The following CDC42BPA variants were observed in gnomAD, a reference collection of about 807,000 sequenced individuals.
CDC42BPA encodes serine/threonine-protein kinase MRCK alpha.
CDC42BPA carries 80 observed loss-of-function variants against 223.5 expected under a neutral mutation model. That is an observed-to-expected ratio of 0.36 (90% CI 0.30 to 0.43). The LOEUF is 0.43. CDC42BPA is among the 20% of genes least tolerant of loss of function. The pLI, the probability that CDC42BPA is intolerant of heterozygous loss-of-function variation, is 1.00. For synonymous variants in CDC42BPA, 694 were observed against 718.6 expected (o/e 0.97, Z 0.55); for missense variants, 1,743 against 2,099.9 (o/e 0.83, Z 3.32).
At chr1:227,040,260 AC>A (rs980525075) in intron 23 of CDC42BPA, 24 bp from the exon 24 acceptor site, 2 of 1,415,694 alleles carry the variant, frequency 1.4e-6, no homozygotes, top group African/African-American at 1.4e-5. Context: ...TGATAAAAAA[AC>A]ACACAGATTG....
chr1:227,265,202 A>G lies in CDC42BPA; in HGVS notation c.179-11047T>C, dbSNP rs987795801. ...GCAGCACAAACACCAAAGCGTGCTA[A>G]AAGTGCACACTTTGGCATCTAACAA... On this transcript the variant is annotated intron_variant, in intron 1 of 36. Transcript: ENST00000366766. 10 of 616,674 alleles carry G rather than the reference A, an allele frequency of 1.6e-5. No individual in the cohort carries two copies. The African/African-American group carries it at 1.8e-4, about 11-fold the overall frequency. 38.2% of individuals were successfully genotyped at this position (616,674 alleles called of 1,614,324 possible).
At chr1:227,133,115 G>A (rs1449294041) in intron 10 of CDC42BPA, among the ~76,000 whole-genome samples, 21 of 148,376 alleles carry the variant, frequency 1.4e-4, no homozygotes, top group Admixed American at 1.3e-3. Flanking sequence ...CCGGCCAGCC[G>A]CCCTGTCCGG....
At chr1:227,316,915 C>G (rs1393037911) in intron 1 of CDC42BPA, 90 bp downstream of exon 1, 11 of 906,906 alleles carry the variant, frequency 1.2e-5, no homozygotes, top group African/African-American at 3.4e-5. Flanking sequence ...TTTCTTTGAA[C>G]GGAGTAGAGT....
chr1:227,211,447 C>T (rs935738228), intron 3 of CDC42BPA, among the ~76,000 whole-genome samples: 3 of 152,118 alleles, frequency 2.0e-5, no homozygotes, highest in East Asian at 3.9e-4. Context: ...GATACCTGTA[C>T]TTATATGTTT....
chr1:227,196,338 C>CTTTTTTTTTTTTTTTTT (rs34352900), intron 4 of CDC42BPA, among the ~76,000 whole-genome samples: 3 of 92,352 alleles, frequency 3.2e-5, no homozygotes, highest in African/African-American at 9.4e-5. Flanking sequence ...TTAAACAATA[C>CTTTTTTTTTTTTTTTTT]TTTTTTTTTT....
At chr1:227,170,191 T>TTAGCAA (rs1667826403) in intron 5 of CDC42BPA, among the ~76,000 whole-genome samples, 1 of 152,130 alleles carries the variant, frequency 6.6e-6, no homozygotes, top group African/African-American at 2.4e-5. Flanking sequence ...AATTCTGCTT[T>TTAGCAA]GTTCTCTAGA....
At chr1:227,155,392 T>G (rs894793644) in intron 6 of CDC42BPA, among the ~76,000 whole-genome samples, 3 of 152,152 alleles carry the variant, frequency 2.0e-5, no homozygotes, top group Admixed American at 2.0e-4. Flanking sequence ...CATGGAAGAT[T>G]ATGAAATATT....
Position 227,187,689 on chromosome 1 carries a change from CA to C in CDC42BPA, c.599+6096del, listed in dbSNP as rs57854182. ...TAAATGGCACCCCCCACCCCCCCCC[CA>C]AAAAAAAAAAACTATACCTAGGCAC... On this transcript the variant is annotated intron_variant, in intron 5 of 36. Transcript: ENST00000366766. Among the ~76,000 whole-genome samples, 18 of 56,196 alleles carry C rather than the reference CA, an allele frequency of 3.2e-4. 1 individual carries two copies. The highest frequency in any genetic ancestry group is 9.3e-4 in the African/African-American group (13 of 13,948). The allele number at this position is 56,196 out of a possible 152,430, so 36.9% of individuals were successfully genotyped here. A position where few individuals can be genotyped will look rare whatever the true frequency, so the allele number is the denominator to read the frequency against.
At chr1:227,270,996 G>C (rs532771529) in intron 1 of CDC42BPA, among the ~76,000 whole-genome samples, 1 of 152,060 alleles carries the variant, frequency 6.6e-6, no homozygotes, top group Non-Finnish European at 1.5e-5. Context: ...GACTTGGGGT[G>C]TTTACATTTT....
intron 20 of CDC42BPA, among the ~76,000 whole-genome samples, chr1:227,071,816 C>T (rs1330930593): frequency 6.8e-6 from 1 of 146,496 alleles, no homozygotes. Context: ...CACACATTGC[C>T]ACTGTCAGAG....
At chr1:227,029,466 G>C (rs549049189) in intron 29 of CDC42BPA, among the ~76,000 whole-genome samples, 3 of 152,238 alleles carry the variant, frequency 2.0e-5, no homozygotes, top group African/African-American at 7.2e-5. Context: ...TGGCAGCCAA[G>C]GCAAACCCCA....
rs1415651113 is a variant in CDC42BPA, at chr1:226,992,877, C to T, written c.*1391G>A. The T allele has an allele frequency of 6.6e-6, 1 of 152,272 alleles. No homozygotes were observed. The highest frequency in any genetic ancestry group is 1.9e-4 in the East Asian group (1 of 5,200). 9.4% of individuals were successfully genotyped at this position (152,272 alleles called of 1,614,324 possible). A position where few individuals can be genotyped will look rare whatever the true frequency, so the allele number is the denominator to read the frequency against. On this transcript the variant is annotated 3_prime_UTR_variant, in exon 37 of 37. Coordinates refer to ENST00000366766, the MANE Select transcript of CDC42BPA (RefSeq NM_001394014.1). ...CCAGCTGGAAATGCCACTAACCCCACAATCCAGCACCTGAGAGAGGAAGCC... is the reference window on the plus strand; with the variant it reads ...CCAGCTGGAAATGCCACTAACCCCATAATCCAGCACCTGAGAGAGGAAGCC...
At chr1:227,214,339 C>A (rs1674458105) in intron 2 of CDC42BPA, among the ~76,000 whole-genome samples, 1 of 151,940 alleles carries the variant, frequency 6.6e-6, no homozygotes, top group Non-Finnish European at 1.5e-5. Flanking sequence ...CTAAATATTT[C>A]TTGGTAATTG....
At chr1:227,216,239 A>G (rs1674824194) in intron 2 of CDC42BPA, among the ~76,000 whole-genome samples, 1 of 152,180 alleles carries the variant, frequency 6.6e-6, no homozygotes, top group South Asian at 2.1e-4. Flanking sequence ...CATTTTCTAT[A>G]TAAAACACAT....
intron 3 of CDC42BPA, among the ~76,000 whole-genome samples, chr1:227,212,520 G>GC (rs1365444146): frequency 3.3e-5 from 5 of 151,940 alleles, no homozygotes; most frequent in African/African-American, 1.2e-4. Flanking sequence ...ATACAGCACA[G>GC]CAGCGGACCC....
rs188914897 is a variant in CDC42BPA, at chr1:227,231,272, T to C, written c.271-18053A>G. Among the ~76,000 whole-genome samples, 286 of 152,096 alleles carry C rather than the reference T, an allele frequency of 1.9e-3. 1 individual carries two copies. The highest frequency in any genetic ancestry group is 6.8e-3 in the African/African-American group (280 of 41,456). On this transcript the variant is annotated intron_variant, in intron 2 of 36. Transcript: ENST00000366766. ...CCTTGCAATAATTTGCTCAGAATAA[T>C]GGTTTCCAGCTTCATCCACGTCCCT...
chr1:227,217,833 C>T (rs552949925), intron 2 of CDC42BPA, among the ~76,000 whole-genome samples: 6 of 152,252 alleles, frequency 3.9e-5, no homozygotes, highest in African/African-American at 1.4e-4. Context: ...ACACAACTTT[C>T]TCTCTCACTC....
At chr1:227,260,106 A>G (rs571552192) in intron 1 of CDC42BPA, among the ~76,000 whole-genome samples, 2 of 150,974 alleles carry the variant, frequency 1.3e-5, no homozygotes, top group Admixed American at 6.6e-5. Context: ...AGTGGCAAAG[A>G]CAGGATTAAA....
At chr1:227,310,065 T>C (rs1222104418) in intron 1 of CDC42BPA, among the ~76,000 whole-genome samples, 1 of 152,184 alleles carries the variant, frequency 6.6e-6, no homozygotes, top group Admixed American at 6.5e-5. Flanking sequence ...TTTCTAACCC[T>C]GCTACTCAGG....
Sources: gnomAD v4.1 joint callset for allele counts (sites outside exome capture counted in the v4.1 genomes callset) on GRCh38, gnomAD v4.1.1 for gene constraint, MANE v1.5 for transcripts, NCBI Gene and HGNC (gene_info 2026-07-23, HGNC 2026-07-21) for gene names.